Variants in PLCH1 observed in about 807,000 individuals in gnomAD.
PLCH1 encodes the protein 1-phosphatidylinositol 4,5-bisphosphate phosphodiesterase eta-1.
Under a neutral mutation model 126.7 loss-of-function variants are expected in PLCH1, and 60 were observed. The observed-to-expected ratio is 0.47, with a 90% CI of 0.38 to 0.59. PLCH1 has a LOEUF of 0.59. Ranked by LOEUF, PLCH1 falls within the 20% of genes least tolerant of loss-of-function variation. The pLI is 0.00. For missense variants in PLCH1, 1,723 were observed against 2,040.0 expected, an observed-to-expected ratio of 0.84 and a Z score of 2.99; for synonymous variants, 719 against 734.9, an observed-to-expected ratio of 0.98 and a Z score of 0.35.
chr3:155,651,656 A>C (rs1406357759), intron 2 of PLCH1, among the ~76,000 whole-genome samples: 1 of 152,240 alleles, frequency 6.6e-6, no homozygotes, highest in Non-Finnish European at 1.5e-5. Context: ...AATGAACTGC[A>C]ATGTAAACAT....
chr3:155,533,375 C>T (rs1422206777), intron 10 of PLCH1, among the ~76,000 whole-genome samples: 3 of 151,820 alleles, frequency 2.0e-5, no homozygotes, highest in African/African-American at 4.8e-5. Flanking sequence ...GGTGAAACCC[C>T]GTTTCTACTA....
In PLCH1 at chr3:155,514,777, T is replaced by C. The variant is rs1720081460; in HGVS notation, c.1578A>G (p.Thr526=). Reference sequence around the variant, plus strand: ...GCGTGGCCTTCAGTAGTGCCCGCACTGTGAAACTATCAGGATCTTCTTTAT... The same window carrying C: ...GCGTGGCCTTCAGTAGTGCCCGCACCGTGAAACTATCAGGATCTTCTTTAT... ...IRDKEDPDSF[T]VRALLKATHE... is the part of the protein sequence containing the mutation. The change falls in exon 12 of 23, where the codon ACA becomes ACG. Residue 526 remains threonine, a synonymous_variant. Coordinates refer to ENST00000460012, the MANE Select transcript of PLCH1 (RefSeq NM_014996.4). 1 of 1,613,084 alleles carries C rather than the reference T, an allele frequency of 6.2e-7. No individual in the cohort carries two copies. Among genetic ancestry groups the C allele is most frequent in the Non-Finnish European group, 8.5e-7 (1 of 1,179,312 alleles).
At chr3:155,544,686 T>A (rs1287183651) in intron 10 of PLCH1, among the ~76,000 whole-genome samples, 2 of 152,030 alleles carry the variant, frequency 1.3e-5, no homozygotes, top group African/African-American at 4.8e-5. Flanking sequence ...TAACAAACTG[T>A]CTCTCAGACC....
chr3:155,550,984 T>C (rs1006881233), intron 9 of PLCH1, among the ~76,000 whole-genome samples: 3 of 152,200 alleles, frequency 2.0e-5, no homozygotes, highest in Non-Finnish European at 4.4e-5. Context: ...TAGGTTTCCT[T>C]ACTCGACTAC....
chr3:155,707,500 C>T (rs575760776), intron 1 of PLCH1, among the ~76,000 whole-genome samples: 14 of 152,122 alleles, frequency 9.2e-5, no homozygotes, highest in African/African-American at 2.9e-4. Context: ...ACCAGCCTGG[C>T]CAACAAGGCA....
At chr3:155,536,799 C>T (rs1723416936) in intron 10 of PLCH1, among the ~76,000 whole-genome samples, 1 of 152,080 alleles carries the variant, frequency 6.6e-6, no homozygotes, top group African/African-American at 2.4e-5. Flanking sequence ...GAGATCTATA[C>T]ATCCAAATAC....
At chr3:155,744,510 C>T (rs1272048631) in intron 1 of PLCH1, among the ~76,000 whole-genome samples, 4 of 152,174 alleles carry the variant, frequency 2.6e-5, no homozygotes, top group African/African-American at 9.7e-5. Flanking sequence ...AAGCATCCTG[C>T]AGCGAGGCTG....
chr3:155,652,332 C>G (rs577109560), intron 2 of PLCH1, among the ~76,000 whole-genome samples: 2 of 152,182 alleles, frequency 1.3e-5, no homozygotes, highest in Non-Finnish European at 2.9e-5. Flanking sequence ...CACGAAGAAG[C>G]CAGCATCACA....
At chr3:155,572,939 G>A (rs974607824) in intron 6 of PLCH1, among the ~76,000 whole-genome samples, 3 of 151,816 alleles carry the variant, frequency 2.0e-5, no homozygotes, top group South Asian at 2.1e-4. Flanking sequence ...GTAGAGACAG[G>A]GTGTAGCTAT....
At chr3:155,500,646 G>A (rs1717752129) in intron 14 of PLCH1, 57 bp downstream of exon 14, 2 of 1,019,504 alleles carry the variant, frequency 2.0e-6, no homozygotes, top group Admixed American at 1.9e-5. Context: ...TGACTAAGCT[G>A]ACAAGGATGG....
At chr3:155,716,330 T>C (rs1365397593) in intron 1 of PLCH1, among the ~76,000 whole-genome samples, 2 of 144,548 alleles carry the variant, frequency 1.4e-5, no homozygotes, top group Non-Finnish European at 3.1e-5. Flanking sequence ...GGAGGTGTGA[T>C]CTTCATGTCT....
At chr3:155,560,172 A>T (rs1354928642) in intron 8 of PLCH1, among the ~76,000 whole-genome samples, 1 of 152,214 alleles carries the variant, frequency 6.6e-6, no homozygotes, top group Non-Finnish European at 1.5e-5. Context: ...CTGTCACTTC[A>T]TGGAGTCACT....
intron 2 of PLCH1, among the ~76,000 whole-genome samples, chr3:155,654,051 C>G (rs1030331322): frequency 1.3e-5 from 2 of 150,196 alleles, no homozygotes; most frequent in African/African-American, 2.5e-5. Context: ...CCAGGCTGAT[C>G]TAGCATGCCC....
intron 21 of PLCH1, chr3:155,486,159 T>C: frequency 6.5e-7 from 1 of 1,545,378 alleles, no homozygotes; most frequent in South Asian, 1.2e-5. Flanking sequence ...TTGTAGCTCC[T>C]AGAAAGTGCA....
At chr3:155,593,885 C>T in intron 4 of PLCH1, 56 bp downstream of exon 4, 3 of 1,544,314 alleles carry the variant, frequency 1.9e-6, no homozygotes, top group East Asian at 4.5e-5. Flanking sequence ...CACAAATGCA[C>T]ACACGCATAC....
chr3:155,712,739 CTAAATAAA>C (rs143995774), intron 1 of PLCH1, among the ~76,000 whole-genome samples: 48 of 149,594 alleles, frequency 3.2e-4, no homozygotes, highest in African/African-American at 1.0e-3. Context: ...TACTCTGTCA[CTAAATAAA>C]TAAATAAATA....
At chr3:155,554,017 A>T in intron 9 of PLCH1, 59 bp downstream of exon 9, 1 of 1,561,300 alleles carries the variant, frequency 6.4e-7, no homozygotes, top group East Asian at 2.2e-5. Flanking sequence ...GCTACGTTAC[A>T]TCAGGCAATG....
rs1560200642 is a variant in PLCH1, at chr3:155,583,467, G to T, written c.771+5C>A. 2.5e-6 allele frequency: 4 copies of T among 1,592,870 alleles called. No homozygotes were observed. The highest frequency in any genetic ancestry group is 2.3e-5 in the East Asian group (1 of 43,998). Reference sequence around the variant, plus strand: ...TAAACTTTCATTTTAACAGTCTAATGATACCTTTTGCTCCACCTTCAAAAA... The same window carrying T: ...TAAACTTTCATTTTAACAGTCTAATTATACCTTTTGCTCCACCTTCAAAAA... On this transcript the variant is annotated splice_donor_5th_base_variant and intron_variant, in intron 6 of 22. Transcript: ENST00000460012.
At chr3:155,540,185 A>G (rs1346320495) in intron 10 of PLCH1, among the ~76,000 whole-genome samples, 1 of 152,184 alleles carries the variant, frequency 6.6e-6, no homozygotes, top group African/African-American at 2.4e-5. Flanking sequence ...TTGGCAAAGC[A>G]CATGTAGAAG....
Sources: gnomAD v4.1 joint callset for allele counts (sites outside exome capture counted in the v4.1 genomes callset) on GRCh38, gnomAD v4.1.1 for gene constraint, MANE v1.5 for transcripts, NCBI Gene and HGNC (gene_info 2026-07-23, HGNC 2026-07-21) for gene names.